The following NEDD4L variants were observed in gnomAD, a reference collection of about 807,000 sequenced individuals.
NEDD4L encodes the protein NEDD4 like E3 ubiquitin protein ligase, also known as E3 ubiquitin-protein ligase NEDD4-like.
In NEDD4L, 54 loss-of-function variants were observed where a neutral mutation model predicts 148.9. The observed-to-expected ratio is 0.36, with a 90% confidence interval of 0.29 to 0.45. NEDD4L has a LOEUF of 0.45. Among genes scored for constraint, NEDD4L ranks in the 20% least tolerant of loss-of-function variants. The pLI, the probability that NEDD4L is intolerant of heterozygous loss-of-function variation, is 1.00. For missense variants in NEDD4L, 856 were observed against 1,233.8 expected, an observed-to-expected ratio of 0.69 and a Z score of 4.59; for synonymous variants, 433 against 440.7, an observed-to-expected ratio of 0.98 and a Z score of 0.22.
intron 2 of NEDD4L, among the ~76,000 whole-genome samples, chr18:58,224,890 T>C (rs2044183410): frequency 6.6e-6 from 1 of 152,242 alleles, no homozygotes; most frequent in African/African-American, 2.4e-5. Flanking sequence ...TTTAAATATG[T>C]ACTTTAACAG....
rs551234327 is a variant in NEDD4L, at chr18:58,379,124, C to T, written c.2353-4122C>T. ...CCCTGGGAGGGCGGGGTGTGCGTTTCGTGGCTGAAGGTGGCAAGAATCCAC... is the reference window on the plus strand; with the variant it reads ...CCCTGGGAGGGCGGGGTGTGCGTTTTGTGGCTGAAGGTGGCAAGAATCCAC... On this transcript the variant is annotated intron_variant, in intron 24 of 30. Transcript: ENST00000400345. 2.6e-5 allele frequency among the ~76,000 whole-genome samples: 4 copies of T among 152,326 alleles called. No individual in the cohort carries two copies. The South Asian group carries it at 6.2e-4, about 24-fold the overall frequency.
intron 6 of NEDD4L, among the ~76,000 whole-genome samples, chr18:58,318,175 G>C (rs1370598461): frequency 2.0e-5 from 3 of 152,180 alleles, no homozygotes; most frequent in African/African-American, 4.8e-5. Context: ...TATGGATGCT[G>C]TGTTCTTGAT....
chr18:58,299,929 C>T (rs1044492365), intron 5 of NEDD4L, among the ~76,000 whole-genome samples: 1 of 152,062 alleles, frequency 6.6e-6, no homozygotes, highest in Non-Finnish European at 1.5e-5. Context: ...CCCCAAGGAA[C>T]GATCAAGAAT....
intron 2 of NEDD4L, among the ~76,000 whole-genome samples, chr18:58,206,393 C>G (rs2041992250): frequency 6.6e-6 from 1 of 151,894 alleles, no homozygotes; most frequent in African/African-American, 2.4e-5. Flanking sequence ...CATCTCAAAA[C>G]AACAACAACA....
intron 5 of NEDD4L, among the ~76,000 whole-genome samples, chr18:58,275,587 C>A (rs536985871): frequency 2.1e-4 from 32 of 152,198 alleles, no homozygotes; most frequent in Non-Finnish European, 3.8e-4. Flanking sequence ...CCCAGAGAGT[C>A]TGATACGAGG....
chr18:58,269,523 T>C lies in NEDD4L; in HGVS notation c.297+17469T>C, dbSNP rs190651087. Among the ~76,000 whole-genome samples the C allele has an allele frequency of 4.9e-4, 74 of 152,186 alleles. 2 individuals carry two copies. The highest frequency in any genetic ancestry group is 3.4e-3 in the Middle Eastern group (1 of 294). On this transcript the variant is annotated intron_variant, in intron 5 of 30. Transcript: ENST00000400345. ...GTTTAACTCTTAATGGAATAGAATC[T>C]ACCAAGAATAATGCAGACTGGATAA...
chr18:58,376,828 C>T (rs1445994483), intron 24 of NEDD4L, among the ~76,000 whole-genome samples: 2 of 152,228 alleles, frequency 1.3e-5, no homozygotes, highest in Non-Finnish European at 2.9e-5. Flanking sequence ...TGCTCCTCCT[C>T]CAGACTCACT....
At chr18:58,396,111 C>T (rs748065571) in intron 30 of NEDD4L, 56 bp from the exon 31 acceptor site, 6 of 1,163,884 alleles carry the variant, frequency 5.2e-6, no homozygotes, top group Non-Finnish European at 7.7e-6. Context: ...CCCTATTAAC[C>T]AGATCGAGGA....
At chr18:58,184,088 G>C (rs1420399879) in intron 2 of NEDD4L, among the ~76,000 whole-genome samples, 1 of 152,180 alleles carries the variant, frequency 6.6e-6, no homozygotes, top group Non-Finnish European at 1.5e-5. Flanking sequence ...AGAATGGCGA[G>C]AACCTGGGAG....
intron 5 of NEDD4L, among the ~76,000 whole-genome samples, chr18:58,302,208 G>A (rs1223349481): frequency 6.6e-6 from 1 of 152,032 alleles, no homozygotes; most frequent in Non-Finnish European, 1.5e-5. Flanking sequence ...TATACACATT[G>A]GTGAATAGCT....
intron 5 of NEDD4L, among the ~76,000 whole-genome samples, chr18:58,282,743 C>T (rs2148990958): frequency 6.6e-6 from 1 of 152,266 alleles, no homozygotes; most frequent in East Asian, 1.9e-4. Flanking sequence ...AAATGGACTT[C>T]CCTTCCCTAA....
At chr18:58,048,914 C>G (rs781094050) in intron 1 of NEDD4L, among the ~76,000 whole-genome samples, 1 of 152,166 alleles carries the variant, frequency 6.6e-6, no homozygotes, top group African/African-American at 2.4e-5. Flanking sequence ...TCATAACAAA[C>G]CTTTAAGGCT....
chr18:58,265,035 AG>A (rs1331566335), intron 5 of NEDD4L, among the ~76,000 whole-genome samples: 4 of 152,026 alleles, frequency 2.6e-5, no homozygotes, highest in Non-Finnish European at 5.9e-5. Context: ...TCCTGATAGC[AG>A]GCACTAAGCA....
intron 22 of NEDD4L, among the ~76,000 whole-genome samples, chr18:58,369,992 CA>C (rs1449480014): frequency 6.6e-6 from 1 of 152,250 alleles, no homozygotes; most frequent in Non-Finnish European, 1.5e-5. Context: ...TCCAGCACCC[CA>C]TGTGGGCTCT....
intron 2 of NEDD4L, among the ~76,000 whole-genome samples, chr18:58,201,811 C>A (rs1484343827): frequency 6.6e-6 from 1 of 152,100 alleles, no homozygotes; most frequent in Non-Finnish European, 1.5e-5. Flanking sequence ...CTGTTCTGAG[C>A]CCTGGTTTTC....
At chr18:58,151,625 A>ATGTGTGTGTGTGTGTGTGTG (rs113714456) in intron 1 of NEDD4L, among the ~76,000 whole-genome samples, 6,592 of 140,870 alleles carry the variant, frequency 0.047, 244 homozygotes, top group Non-Finnish European at 0.052. Flanking sequence ...GTGCCTGGAT[A>ATGTGTGTGTGTGTGTGTGTG]TGTGTGTGTG....
chr18:58,323,314 G>T lies in NEDD4L; in HGVS notation c.493G>T (p.Asp165Tyr). Reference protein sequence around the residue: ...KNGGQDEENSDQRDDMEHGWE... With the variant: ...KNGGQDEENSYQRDDMEHGWE... ...TGGAGGTCAAGATGAAGAAAACAGT[G>T]ACCAGAGGGATGACATGGAGGTACG... is the stretch of plus-strand genomic sequence containing the variant. The change falls in exon 8 of 31, where the codon GAC becomes TAC. Residue 165 changes from aspartate to tyrosine, a missense_variant. Coordinates refer to ENST00000400345, the MANE Select transcript of NEDD4L (RefSeq NM_001144967.3). 1 of 1,592,792 alleles carries T rather than the reference G, an allele frequency of 6.3e-7. No homozygotes were observed. The highest frequency in any genetic ancestry group is 1.1e-5 in the South Asian group (1 of 87,438).
chr18:58,051,974 A>G (rs929390569), intron 1 of NEDD4L, among the ~76,000 whole-genome samples: 9 of 152,136 alleles, frequency 5.9e-5, no homozygotes, highest in Non-Finnish European at 8.8e-5. Context: ...ATAGGTGGCA[A>G]TGTTTGTGCT....
chr18:58,072,530 ACTTTTT>A (rs2082919679), intron 1 of NEDD4L, among the ~76,000 whole-genome samples: 1 of 152,230 alleles, frequency 6.6e-6, no homozygotes, highest in African/African-American at 2.4e-5. Flanking sequence ...AATATTCAGT[ACTTTTT>A]CTTGATGAAA....
Sources: gnomAD v4.1 joint callset for allele counts (sites outside exome capture counted in the v4.1 genomes callset) on GRCh38, gnomAD v4.1.1 for gene constraint, MANE v1.5 for transcripts, NCBI Gene and HGNC (gene_info 2026-07-23, HGNC 2026-07-21) for gene names.